RPL5: variants seen among roughly 807,000 people sequenced by gnomAD.
RPL5 encodes ribosomal protein L5.
Under a neutral mutation model 38.4 loss-of-function variants are expected in RPL5, and 1 was observed. That is an observed-to-expected ratio of 0.03 (90% CI 0.01 to 0.12). RPL5 has a LOEUF of 0.12. RPL5 is among the 10% of genes least tolerant of loss of function. The pLI is 1.00. For missense variants in RPL5, 243 were observed against 374.1 expected, an observed-to-expected ratio of 0.65 and a Z score of 2.89; for synonymous variants, 109 against 121.2, an observed-to-expected ratio of 0.90 and a Z score of 0.66.
At chr1:92,832,264 G>C (rs1686937426) in intron 1 of RPL5, 147 bp downstream of exon 1, 1 of 1,343,886 alleles carries the variant, frequency 7.4e-7, no homozygotes, top group Admixed American at 2.0e-5. Context: ...GCAGTTCCCA[G>C]CGTGGCCTTA....
chr1:92,834,560 T>A (rs1383064795), intron 3 of RPL5, among the ~76,000 whole-genome samples: 1 of 152,234 alleles, frequency 6.6e-6, no homozygotes, highest in Non-Finnish European at 1.5e-5. Context: ...TTGCTGACTT[T>A]AGTTATGTTT....
chr1:92,837,382 G>C (rs770997149), intron 5 of RPL5, 74 bp from the exon 6 acceptor site: 7 of 1,272,558 alleles, frequency 5.5e-6, no homozygotes, highest in Non-Finnish European at 6.9e-6. Context: ...ACTGATGGCA[G>C]CTACTAAAGT....
chr1:92,841,785 T>C lies in RPL5; in HGVS notation c.814T>C (p.Ser272Pro). ...TTGTAGGTGGAACCGTCCCAAAATGTCCCTTGCTCAGAAGAAGGATCGGGT... is the reference window on the plus strand; with the variant it reads ...TTGTAGGTGGAACCGTCCCAAAATGCCCCTTGCTCAGAAGAAGGATCGGGT... ...KKKRWNRPKM[S>P]LAQKKDRVAQ... Residue 272 changes from serine (S) to proline (P), a missense_variant, in exon 8 of 8, where the codon TCC (serine) becomes CCC (proline). By Grantham distance (74) the Ser-to-Pro change is moderately conservative. Transcript: ENST00000370321. 1.2e-6 allele frequency: 2 copies of C among 1,611,520 alleles called. No homozygotes were observed. Among genetic ancestry groups the C allele is most frequent in the Non-Finnish European group, 1.7e-6 (2 of 1,179,546 alleles).
intron 1 of RPL5, chr1:92,833,086 A>G (rs1486518472): frequency 9.9e-6 from 7 of 709,934 alleles, no homozygotes; most frequent in Admixed American, 2.0e-5. Flanking sequence ...TTTGAAAGCA[A>G]TATAACAATA....
At chr1:92,833,685 C>CT (rs773060381) in intron 3 of RPL5, 25 bp downstream of exon 3, 5 of 1,567,046 alleles carry the variant, frequency 3.2e-6, no homozygotes, top group South Asian at 1.1e-5. Context: ...AGACAGTCCC[C>CT]TTTTTTTATT....
chr1:92,832,243 T>A (rs1412183844), intron 1 of RPL5, 126 bp downstream of exon 1: 1 of 1,453,016 alleles, frequency 6.9e-7, no homozygotes, highest in Non-Finnish European at 9.5e-7. Context: ...TAGCTCTGAC[T>A]TGGTCGAGGT....
At chr1:92,832,337 T>C in intron 1 of RPL5, 1 of 703,298 alleles carries the variant, frequency 1.4e-6, no homozygotes, top group Non-Finnish European at 2.5e-6. Context: ...TTGCGTGAGC[T>C]TGGACGGCGG....
chr1:92,837,759 C>G, intron 6 of RPL5, 126 bp downstream of exon 6: 1 of 772,038 alleles, frequency 1.3e-6, no homozygotes, highest in Non-Finnish European at 2.2e-6. Context: ...GACTTGTCAA[C>G]ATTCTTTTAG....
At chr1:92,832,880 A>G (rs924592423) in intron 1 of RPL5, 2 of 635,386 alleles carry the variant, frequency 3.1e-6, no homozygotes, top group South Asian at 3.5e-5. Flanking sequence ...TTTGAAAAAC[A>G]TAACATGGGA....
rs1185108447 is a variant in RPL5 at position 92,837,723 on chromosome 1, G to C, written c.705+90G>C. 8 of 1,053,078 alleles carry C rather than the reference G, an allele frequency of 7.6e-6. No individual in the cohort carries two copies. In the African/African-American group the frequency reaches 9.5e-5, roughly 13 times the overall value. 65.2% of individuals were successfully genotyped at this position (1,053,078 alleles called of 1,614,324 possible). A position where few individuals can be genotyped will look rare whatever the true frequency, so the allele number is the denominator to read the frequency against. On this transcript the variant is annotated intron_variant, in intron 6 of 7. Coordinates refer to ENST00000370321, the MANE Select transcript of RPL5 (RefSeq NM_000969.5). ...TGGGGGCAGGTAACATTCTTATATA[G>C]GTGTGTTTCTTGACAACATGAGCTA...
chr1:92,839,404 T>G (rs1172663142), intron 6 of RPL5, among the ~76,000 whole-genome samples: 4 of 152,178 alleles, frequency 2.6e-5, no homozygotes, highest in Non-Finnish European at 5.9e-5. Context: ...GGTTGGCTTT[T>G]CAGGAAAACT....
rs200772479 is a variant in RPL5, at chr1:92,834,927, G to T, written c.324+14G>T. On this transcript the variant is annotated intron_variant, in intron 4 of 7. Transcript: ENST00000370321. ...CTGGCCCGCAGGGTATGTACAAGAT[G>T]ATTTTAATTGATGTAGTTTGTGGCT... is the stretch of plus-strand genomic sequence containing the variant. The T allele has an allele frequency of 5.9e-4, 942 of 1,600,108 alleles. 1 individual carries two copies. The highest frequency in any genetic ancestry group is 7.7e-4 in the Non-Finnish European group (905 of 1,179,962).
chr1:92,835,240 G>C (rs1299121715), intron 4 of RPL5: 1 of 405,652 alleles, frequency 2.5e-6, no homozygotes, highest in Non-Finnish European at 4.6e-6. Flanking sequence ...TTGCTACTTA[G>C]GTATACATTC....
At chr1:92,840,840 C>G in intron 7 of RPL5, 1 of 699,518 alleles carries the variant, frequency 1.4e-6, no homozygotes, top group Non-Finnish European at 2.7e-6. Context: ...TTCTTTCTAT[C>G]CTAGTACAGT....
At chr1:92,832,235 G>A (rs1328600497) in intron 1 of RPL5, 118 bp downstream of exon 1, 42 of 1,501,786 alleles carry the variant, frequency 2.8e-5, no homozygotes, top group Non-Finnish European at 3.6e-5. Context: ...TAGATTGCTA[G>A]CTCTGACTTG....
intron 5 of RPL5, chr1:92,836,708 ACTTT>A (rs1687145621): frequency 1.4e-5 from 4 of 287,096 alleles, no homozygotes; most frequent in South Asian, 4.3e-5. Context: ...TTCCCCATGC[ACTTT>A]CTTTTTTCAA....
chr1:92,837,363 C>A (rs749211199), intron 5 of RPL5, 93 bp from the exon 6 acceptor site: 1 of 1,088,652 alleles, frequency 9.2e-7, no homozygotes, highest in Non-Finnish European at 1.4e-6. Flanking sequence ...ATAATTGTTT[C>A]AAGACGGGAC....
In RPL5 at chr1:92,837,606, C is replaced by T. The variant is rs2100688631; in HGVS notation, c.678C>T (p.Tyr226=). 6.2e-7 allele frequency: 1 copy of T among 1,612,058 alleles called. No homozygotes were observed. The change falls in exon 6 of 8, where the codon TAC becomes TAT. Residue 226 remains tyrosine (Y), a synonymous_variant. Coordinates refer to ENST00000370321, the MANE Select transcript of RPL5 (RefSeq NM_000969.5). ...CTTACAAGAAACAGTTCTCTCAATA[C>T]ATAAAGAACAGCGTAACTCCAGACA... ...EDAYKKQFSQ[Y]IKNSVTPDMM... is the part of the protein sequence containing the mutation.
In RPL5 at chr1:92,832,079, C is replaced by T; in HGVS notation, c.-36C>T. The stretch of plus-strand genomic sequence containing the variant: ...CTAGCGCCGCTGGGCCTGCAGGTCT[C>T]TGTCGAGCAGCGGACGCCGGTCTCT... On this transcript the variant is annotated 5_prime_UTR_variant, in exon 1 of 8. Coordinates refer to ENST00000370321, the MANE Select transcript of RPL5 (RefSeq NM_000969.5). The T allele has an allele frequency of 3.7e-6, 6 of 1,613,846 alleles. No homozygotes were observed. Among genetic ancestry groups the T allele is most frequent in the South Asian group, 3.3e-5 (3 of 91,016 alleles).
Sources: gnomAD v4.1 joint callset for allele counts (sites outside exome capture counted in the v4.1 genomes callset) on GRCh38, gnomAD v4.1.1 for gene constraint, MANE v1.5 for transcripts, NCBI Gene and HGNC (gene_info 2026-07-23, HGNC 2026-07-21) for gene names.